The following DYM variants were observed in gnomAD, a reference collection of about 807,000 sequenced individuals.
DYM encodes dymeclin, also known as dyggve-Melchior-Clausen syndrome protein.
A neutral mutation model predicts 93.1 loss-of-function variants in DYM; 78 were observed. That is an observed-to-expected ratio of 0.84 (90% CI 0.70 to 1.01). The LOEUF (loss-of-function observed/expected upper bound fraction) is 1.01. Among genes scored for constraint, DYM ranks in the 50% least tolerant of loss-of-function variants. The pLI is 0.00. For missense variants in DYM, 789 were observed against 845.0 expected (o/e 0.93, Z 0.82); for synonymous variants, 321 against 319.7 (o/e 1.00, Z -0.04).
intron 17 of DYM, among the ~76,000 whole-genome samples, chr18:49,096,026 T>C (rs557874909): frequency 6.6e-6 from 1 of 152,102 alleles, no homozygotes; most frequent in East Asian, 1.9e-4. Context: ...TTTACATAAA[T>C]TTGAAATAGT....
chr18:49,176,574 C>CTTTTT (rs36121103), intron 14 of DYM, among the ~76,000 whole-genome samples: 12 of 99,436 alleles, frequency 1.2e-4, no homozygotes, highest in Non-Finnish European at 1.6e-4. Context: ...CCAAGCCTGG[C>CTTTTT]TTTTTTTTTT....
chr18:49,314,374 G>C (rs554302870), intron 8 of DYM, among the ~76,000 whole-genome samples: 1 of 152,226 alleles, frequency 6.6e-6, no homozygotes, highest in South Asian at 2.1e-4. Context: ...CACTGTTGAT[G>C]GTCTTCTGAC....
intron 8 of DYM, among the ~76,000 whole-genome samples, chr18:49,330,310 C>A (rs1418107439): frequency 1.3e-5 from 2 of 152,072 alleles, no homozygotes; most frequent in African/African-American, 4.8e-5. Context: ...AAAAAAAAGA[C>A]CATAGAAAAT....
intron 14 of DYM, among the ~76,000 whole-genome samples, chr18:49,177,577 T>TC (rs1291152601): frequency 6.6e-6 from 1 of 152,136 alleles, no homozygotes; most frequent in Non-Finnish European, 1.5e-5. Flanking sequence ...GGTAAATGCC[T>TC]TTTTTCAACA....
rs149178245 is a variant in DYM, at chr18:49,047,069, C to T, written c.2026-2865G>A. 8.5e-5 allele frequency among the ~76,000 whole-genome samples: 13 copies of T among 152,258 alleles called. No homozygotes were observed. The East Asian group carries it at 1.7e-3, about 20-fold the overall frequency. On this transcript the variant is annotated intron_variant, in intron 17 of 17. Coordinates refer to ENST00000675505, the MANE Select transcript of DYM (RefSeq NM_001353214.3). ...AACAAGTGTGTAAGAATTCCTAAAA[C>T]GGAGGGTGTTCTGGCCATTGATGTA... is the stretch of plus-strand genomic sequence containing the variant.
intron 17 of DYM, among the ~76,000 whole-genome samples, chr18:49,073,261 T>C (rs181216523): frequency 3.0e-4 from 45 of 152,342 alleles, no homozygotes; most frequent in Admixed American, 1.8e-3. Flanking sequence ...TTCTCATAAC[T>C]CTATATGTGC....
intron 1 of DYM, chr18:49,431,833 G>C (rs575607641): frequency 1.0e-3 from 159 of 151,892 alleles, no homozygotes; most frequent in African/African-American, 3.2e-3. Flanking sequence ...TGATGCACAT[G>C]GACAGCTGGG....
chr18:49,273,435 A>G (rs1278091971), intron 10 of DYM, among the ~76,000 whole-genome samples: 1 of 152,186 alleles, frequency 6.6e-6, no homozygotes, highest in Non-Finnish European at 1.5e-5. Context: ...ATTTAACTCA[A>G]CATTTGTTAA....
intron 11 of DYM, among the ~76,000 whole-genome samples, chr18:49,264,315 G>C (rs1270533713): frequency 6.6e-6 from 1 of 151,902 alleles, no homozygotes; most frequent in African/African-American, 2.4e-5. Flanking sequence ...CGTAAACCCT[G>C]AAATGGAACT....
intron 8 of DYM, among the ~76,000 whole-genome samples, chr18:49,300,078 TATATATAAATATATATATAA>T (rs1320134940): frequency 7.4e-6 from 1 of 135,936 alleles, no homozygotes; most frequent in East Asian, 2.0e-4. Flanking sequence ...TAAATATATA[TATATATAAATATATATATAA>T]ATATATAAAT....
intron 8 of DYM, among the ~76,000 whole-genome samples, chr18:49,301,242 C>T (rs527341347): frequency 2.0e-4 from 31 of 152,158 alleles, no homozygotes; most frequent in African/African-American, 6.3e-4. Flanking sequence ...GTTCCTGGGC[C>T]GGGCGTGGTG....
chr18:49,340,044 G>A (rs2063985980), intron 6 of DYM, among the ~76,000 whole-genome samples: 1 of 151,794 alleles, frequency 6.6e-6, no homozygotes, highest in Admixed American at 6.6e-5. Context: ...TCCGCCTCCT[G>A]GATTCACGCC....
At chr18:49,404,290 G>A (rs970271558) in intron 2 of DYM, among the ~76,000 whole-genome samples, 2 of 152,180 alleles carry the variant, frequency 1.3e-5, no homozygotes, top group African/African-American at 2.4e-5. Context: ...TTAAAGGTGT[G>A]AGCCACCATG....
intron 17 of DYM, among the ~76,000 whole-genome samples, chr18:49,094,306 A>C (rs1876791698): frequency 1.3e-5 from 2 of 152,192 alleles, no homozygotes; most frequent in African/African-American, 4.8e-5. Flanking sequence ...ACAGTAAGCA[A>C]AATGCGAGCC....
chr18:49,059,911 A>C (rs1044264247), intron 17 of DYM, among the ~76,000 whole-genome samples: 3 of 152,340 alleles, frequency 2.0e-5, no homozygotes, highest in Admixed American at 6.5e-5. Flanking sequence ...TCACTCTTAA[A>C]TATTAACCTA....
chr18:49,276,211 T>A (rs772384152), intron 10 of DYM, among the ~76,000 whole-genome samples: 4 of 152,198 alleles, frequency 2.6e-5, no homozygotes, highest in Non-Finnish European at 5.9e-5. Context: ...GGGGTTTTCA[T>A]AGAAGCCCTT....
intron 13 of DYM, among the ~76,000 whole-genome samples, chr18:49,229,650 G>C (rs920131114): frequency 6.6e-6 from 1 of 152,134 alleles, no homozygotes; most frequent in African/African-American, 2.4e-5. Flanking sequence ...AACTAGAACT[G>C]TCATATATTG....
intron 15 of DYM, among the ~76,000 whole-genome samples, chr18:49,128,755 C>T (rs2083085196): frequency 6.6e-6 from 1 of 152,002 alleles, no homozygotes; most frequent in African/African-American, 2.4e-5. Context: ...TAACTTCAAA[C>T]TTCAGGAAAA....
Position 49,040,113 on chromosome 18 carries a change from A to G in DYM, c.*3942T>C, listed in dbSNP as rs1041483472. The G allele has an allele frequency of 3.9e-5, 6 of 152,258 alleles. No individual in the cohort carries two copies. Among genetic ancestry groups the G allele is most frequent in the Non-Finnish European group, 8.8e-5 (6 of 68,050 alleles). 9.4% of individuals were successfully genotyped at this position (152,258 alleles called of 1,614,324 possible). ...AGTTGAACTGCACTACCCATGAGGGATAGTCCAATGACAGTAATGGAGGAC... is the reference window on the plus strand; with the variant it reads ...AGTTGAACTGCACTACCCATGAGGGGTAGTCCAATGACAGTAATGGAGGAC... On this transcript the variant is annotated 3_prime_UTR_variant, in exon 18 of 18. Transcript: ENST00000675505.
Sources: allele counts gnomAD v4.1 joint callset (sites outside exome capture counted in the v4.1 genomes callset), GRCh38; gene constraint gnomAD v4.1.1; transcripts MANE v1.5; gene names NCBI Gene and HGNC (gene_info 2026-07-23, HGNC 2026-07-21).